TAFA1: variants seen among roughly 807,000 people sequenced by gnomAD.
The protein encoded by TAFA1 is chemokine-like protein TAFA-1.
In TAFA1, 4 loss-of-function variants were observed where a neutral mutation model predicts 18.5. The ratio of observed to expected loss-of-function variants is 0.22; its 90% CI spans 0.11 to 0.49. TAFA1 has a LOEUF of 0.49. Among genes scored for constraint, TAFA1 ranks in the 20% least tolerant of loss-of-function variants. TAFA1 has a pLI of 0.98. For synonymous variants in TAFA1, 56 were observed against 55.2 expected (o/e 1.01, Z -0.06); for missense variants, 147 against 169.0 (o/e 0.87, Z 0.72).
chr3:68,175,105 G>T (rs1396045711), intron 2 of TAFA1, among the ~76,000 whole-genome samples: 1 of 152,250 alleles, frequency 6.6e-6, no homozygotes, highest in Non-Finnish European at 1.5e-5. Context: ...CAAGAATGAA[G>T]GTTTGGGAAC....
intron 2 of TAFA1, among the ~76,000 whole-genome samples, chr3:68,127,942 G>C: frequency 6.6e-6 from 1 of 151,728 alleles, no homozygotes; most frequent in Non-Finnish European, 1.5e-5. Flanking sequence ...GGTAGTGGTG[G>C]TGATGATGCT....
intron 2 of TAFA1, among the ~76,000 whole-genome samples, chr3:68,385,746 A>C (rs1180730530): frequency 6.6e-6 from 1 of 151,920 alleles, no homozygotes; most frequent in Admixed American, 6.6e-5. Flanking sequence ...GTAGTTTCCT[A>C]CTGGAACACA....
chr3:68,539,441 C>T (rs2073332236), intron 4 of TAFA1, among the ~76,000 whole-genome samples: 1 of 151,858 alleles, frequency 6.6e-6, no homozygotes, highest in Non-Finnish European at 1.5e-5. Flanking sequence ...AATTGGCACC[C>T]TTATGCTGGA....
At chr3:68,277,263 G>A (rs896308765) in intron 2 of TAFA1, among the ~76,000 whole-genome samples, 2 of 152,100 alleles carry the variant, frequency 1.3e-5, no homozygotes, top group East Asian at 1.9e-4. Flanking sequence ...GAAGAAACCT[G>A]AAAAACATTA....
intron 2 of TAFA1, among the ~76,000 whole-genome samples, chr3:68,205,319 T>G (rs1370196914): frequency 1.3e-5 from 2 of 151,830 alleles, no homozygotes; most frequent in African/African-American, 4.8e-5. Context: ...CTTAACAGTG[T>G]CTCTTTTGCA....
chr3:68,223,007 A>T (rs1244271144), intron 2 of TAFA1, among the ~76,000 whole-genome samples: 1 of 152,034 alleles, frequency 6.6e-6, no homozygotes, highest in Non-Finnish European at 1.5e-5. Context: ...ATCACTTTCT[A>T]TTGAACATTC....
chr3:68,094,366 T>C (rs2065062949), intron 2 of TAFA1, among the ~76,000 whole-genome samples: 1 of 152,110 alleles, frequency 6.6e-6, no homozygotes, highest in African/African-American at 2.4e-5. Flanking sequence ...AATTAGAAGA[T>C]GAGGTCCACA....
chr3:68,515,569 T>C (rs1013021534), intron 3 of TAFA1, among the ~76,000 whole-genome samples: 1 of 152,158 alleles, frequency 6.6e-6, no homozygotes, highest in Non-Finnish European at 1.5e-5. Flanking sequence ...GCTAGGTATG[T>C]AGAAATAAGA....
At chr3:68,152,080 C>T (rs2065812821) in intron 2 of TAFA1, among the ~76,000 whole-genome samples, 2 of 152,222 alleles carry the variant, frequency 1.3e-5, no homozygotes, top group South Asian at 4.1e-4. Flanking sequence ...TTGAGGGACA[C>T]AAAGATTAAG....
chr3:68,455,389 A>G (rs916362142), intron 3 of TAFA1, among the ~76,000 whole-genome samples: 3 of 152,132 alleles, frequency 2.0e-5, no homozygotes, highest in Non-Finnish European at 4.4e-5. Flanking sequence ...ATGTTTCTAT[A>G]TAGAACCAAT....
intron 2 of TAFA1, among the ~76,000 whole-genome samples, chr3:68,238,896 G>A (rs558852043): frequency 5.8e-4 from 89 of 152,220 alleles, no homozygotes; most frequent in African/African-American, 2.0e-3. Flanking sequence ...CAATATTTAG[G>A]TTTGAAACTT....
At chr3:68,063,773 T>C (rs1391503636) in intron 2 of TAFA1, among the ~76,000 whole-genome samples, 1 of 152,210 alleles carries the variant, frequency 6.6e-6, no homozygotes, top group Non-Finnish European at 1.5e-5. Flanking sequence ...AAATGTTATT[T>C]CATTATAATT....
At chr3:68,058,816 G>A (rs997779100) in intron 2 of TAFA1, among the ~76,000 whole-genome samples, 4 of 152,020 alleles carry the variant, frequency 2.6e-5, no homozygotes. Flanking sequence ...AAAAAGGCTT[G>A]TATAACGTTT....
chr3:68,325,050 C>T (rs988131740), intron 2 of TAFA1, among the ~76,000 whole-genome samples: 3 of 152,158 alleles, frequency 2.0e-5, no homozygotes, highest in Admixed American at 2.0e-4. Flanking sequence ...ACTGCCAGAT[C>T]TGCTCCACAC....
At chr3:68,368,426 C>G (rs1417629705) in intron 2 of TAFA1, among the ~76,000 whole-genome samples, 4 of 152,304 alleles carry the variant, frequency 2.6e-5, no homozygotes, top group Middle Eastern at 3.4e-3. Flanking sequence ...TATCACTAGA[C>G]CGCAAAATCA....
intron 2 of TAFA1, among the ~76,000 whole-genome samples, chr3:68,358,955 G>A (rs2069419357): frequency 6.6e-6 from 1 of 151,870 alleles, no homozygotes; most frequent in Admixed American, 6.6e-5. Context: ...AATTAATCAG[G>A]TATCATCTTC....
intron 2 of TAFA1, among the ~76,000 whole-genome samples, chr3:68,329,216 C>CTTTTTTTTTTTTTTT (rs10681423): frequency 3.1e-3 from 272 of 89,006 alleles, no homozygotes; most frequent in South Asian, 4.5e-3. Context: ...GCCTGGCTGC[C>CTTTTTTTTTTTTTTT]TTTTTTTTTT....
At chr3:68,349,713 A>T (rs1038607747) in intron 2 of TAFA1, among the ~76,000 whole-genome samples, 5 of 152,092 alleles carry the variant, frequency 3.3e-5, no homozygotes, top group Non-Finnish European at 2.9e-5. Context: ...ATGCAAATGA[A>T]TGGGGGTGTG....
intron 2 of TAFA1, among the ~76,000 whole-genome samples, chr3:68,248,345 AACACTTGAT>A (rs1487615805): frequency 2.6e-5 from 4 of 152,190 alleles, no homozygotes; most frequent in Non-Finnish European, 5.9e-5. Context: ...AGTAAGTAGA[AACACTTGAT>A]AAAGCTATAT....
Sources: gnomAD v4.1 joint callset for allele counts (sites outside exome capture counted in the v4.1 genomes callset) on GRCh38, gnomAD v4.1.1 for gene constraint, MANE v1.5 for transcripts, NCBI Gene and HGNC (gene_info 2026-07-23, HGNC 2026-07-21) for gene names.